The following TRAF3IP2 variants were observed in gnomAD, a reference collection of about 807,000 sequenced individuals.
TRAF3IP2 encodes TRAF3 interacting protein 2.
In TRAF3IP2, 35 loss-of-function variants were observed where a neutral mutation model predicts 57.9. The ratio of observed to expected loss-of-function variants is 0.60; its 90% CI spans 0.46 to 0.80. TRAF3IP2 has a LOEUF of 0.80. Ranked by LOEUF, TRAF3IP2 falls within the 30% of genes least tolerant of loss-of-function variation. The pLI is 0.00. For synonymous variants in TRAF3IP2, 251 were observed against 268.9 expected (o/e 0.93, Z 0.65); for missense variants, 556 against 706.4 (o/e 0.79, Z 2.41).
At chr6:111,569,970 T>A (rs1409478037) in intron 5 of TRAF3IP2, among the ~76,000 whole-genome samples, 2 of 152,148 alleles carry the variant, frequency 1.3e-5, no homozygotes, top group Non-Finnish European at 2.9e-5. Context: ...AAAATTCCTA[T>A]GTTGAAGCCC....
intron 6 of TRAF3IP2, 113 bp downstream of exon 6, chr6:111,567,511 T>C: frequency 7.5e-7 from 1 of 1,335,206 alleles, no homozygotes; most frequent in African/African-American, 1.5e-5. Flanking sequence ...TTGTTGGGGC[T>C]TTCTCAGCTT....
chr6:111,587,548 C>T (rs571784442), intron 2 of TRAF3IP2, among the ~76,000 whole-genome samples: 2 of 152,220 alleles, frequency 1.3e-5, no homozygotes, highest in East Asian at 3.9e-4. Context: ...AGCCACTGCA[C>T]CCGGCCGTTT....
chr6:111,578,190 T>A (rs1024599615), intron 3 of TRAF3IP2, among the ~76,000 whole-genome samples: 5 of 152,270 alleles, frequency 3.3e-5, no homozygotes, highest in African/African-American at 7.2e-5. Flanking sequence ...ACTATTCTCT[T>A]TCCTATTCAA....
intron 8 of TRAF3IP2, among the ~76,000 whole-genome samples, chr6:111,560,579 G>T (rs1795398081): frequency 6.6e-6 from 1 of 152,220 alleles, no homozygotes; most frequent in Admixed American, 6.5e-5. Context: ...CGCAGGGACT[G>T]CCTTGAGGAC....
In TRAF3IP2 at chr6:111,572,897, C is replaced by T; in HGVS notation, c.1288G>A (p.Ala430Thr). The T allele has an allele frequency of 2.5e-6, 4 of 1,612,552 alleles. No homozygotes were observed. Among genetic ancestry groups the T allele is most frequent in the Non-Finnish European group, 3.4e-6 (4 of 1,178,660 alleles). ...ATCTATTTGGACAAAATACTTACTG[C>T]AGTTTGGAAGCCATTTACCAACAAA... ...NFLLVNGFQT[A>T]IDIFEDRIRG... Residue 430 changes from alanine to threonine, a missense_variant and splice_region_variant, in exon 5 of 9, where the codon GCA becomes ACA. Ala to Thr is a moderately conservative substitution (Grantham distance 58). Transcript: ENST00000368761.
rs6909747 is a variant in TRAF3IP2 at position 111,601,630 on chromosome 6, C to T, written c.-9+4146G>A. On this transcript the variant is annotated intron_variant, in intron 1 of 8. Coordinates refer to ENST00000368761, the MANE Select transcript of TRAF3IP2 (RefSeq NM_147686.4). Reference sequence around the variant, plus strand: ...AATCAGGCCTTGGTGATCACAACTGCTTGGATTTTTTCTTAAGCTTTCTTT... The same window carrying T: ...AATCAGGCCTTGGTGATCACAACTGTTTGGATTTTTTCTTAAGCTTTCTTT... 7.9e-3 allele frequency: 1,245 copies of T among 156,928 alleles called. 24 individuals carry two copies. Among genetic ancestry groups the T allele is most frequent in the African/African-American group, 0.028 (1,172 of 41,682 alleles). The allele number at this position is 156,928 out of a possible 1,614,324, so 9.7% of individuals were successfully genotyped here.
chr6:111,604,486 G>A (rs1796963258), intron 1 of TRAF3IP2, among the ~76,000 whole-genome samples: 2 of 152,206 alleles, frequency 1.3e-5, no homozygotes, highest in South Asian at 4.1e-4. Flanking sequence ...GTGGACAATA[G>A]CACAGACTAT....
At chr6:111,597,386 C>T (rs958143024) in intron 1 of TRAF3IP2, among the ~76,000 whole-genome samples, 2 of 152,182 alleles carry the variant, frequency 1.3e-5, no homozygotes, top group Non-Finnish European at 2.9e-5. Flanking sequence ...CCACCTAGAA[C>T]TGAAAAGGGT....
chr6:111,567,209 T>C, intron 6 of TRAF3IP2: 1 of 1,003,586 alleles, frequency 1.0e-6, no homozygotes, highest in Non-Finnish European at 1.2e-6. Flanking sequence ...GGGCTGCACG[T>C]GGGCACCTCG....
intron 7 of TRAF3IP2, among the ~76,000 whole-genome samples, chr6:111,565,844 A>G (rs949422438): frequency 1.3e-5 from 2 of 152,332 alleles, no homozygotes; most frequent in African/African-American, 4.8e-5. Flanking sequence ...AGCATCTGAT[A>G]TGCACCAGAT....
intron 3 of TRAF3IP2, among the ~76,000 whole-genome samples, chr6:111,578,193 C>T (rs1338632539): frequency 6.6e-6 from 1 of 152,160 alleles, no homozygotes; most frequent in East Asian, 1.9e-4. Flanking sequence ...ATTCTCTTTC[C>T]TATTCAACAC....
At chr6:111,572,415 C>T (rs973072293) in intron 5 of TRAF3IP2, among the ~76,000 whole-genome samples, 9 of 152,160 alleles carry the variant, frequency 5.9e-5, no homozygotes, top group East Asian at 1.9e-4. Flanking sequence ...GGCAGCTGTG[C>T]GCAATGGGGG....
intron 1 of TRAF3IP2, among the ~76,000 whole-genome samples, chr6:111,593,650 G>A (rs539155188): frequency 3.3e-5 from 5 of 151,884 alleles, no homozygotes; most frequent in Admixed American, 6.6e-5. Flanking sequence ...TCTAACTTCC[G>A]GCTGGCCTTC....
At chr6:111,596,023 C>G (rs762161720) in intron 1 of TRAF3IP2, among the ~76,000 whole-genome samples, 1 of 152,064 alleles carries the variant, frequency 6.6e-6, no homozygotes, top group Non-Finnish European at 1.5e-5. Flanking sequence ...CACCCTTCCC[C>G]CACACAGCTG....
In TRAF3IP2 at chr6:111,565,702, G is replaced by A. The variant is rs187003936; in HGVS notation, c.1476+742C>T. Among the ~76,000 whole-genome samples, 497 of 152,198 alleles carry A rather than the reference G, an allele frequency of 3.3e-3. 3 individuals carry two copies. Among genetic ancestry groups the A allele is most frequent in the African/African-American group, 0.01 (430 of 41,506 alleles). On this transcript the variant is annotated intron_variant, in intron 7 of 8. Coordinates refer to ENST00000368761, the MANE Select transcript of TRAF3IP2 (RefSeq NM_147686.4). ...AGTTCCAACGCTGGGTGATTGTTTC[G>A]GTCAGAATGTTCTAGTTTTATCCCA...
At chr6:111,564,683 G>A (rs1046195252) in intron 7 of TRAF3IP2, among the ~76,000 whole-genome samples, 1 of 152,200 alleles carries the variant, frequency 6.6e-6, no homozygotes, top group African/African-American at 2.4e-5. Flanking sequence ...TGATGAGTAA[G>A]GGCCCAAGAC....
chr6:111,594,594 C>A, intron 1 of TRAF3IP2: 1 of 421,592 alleles, frequency 2.4e-6, no homozygotes. Flanking sequence ...AATCTGAGGT[C>A]ATCCTCTGGT....
In TRAF3IP2 at chr6:111,575,798, G is replaced by A. The variant is rs765663607; in HGVS notation, c.1046C>T (p.Pro349Leu). The stretch of plus-strand genomic sequence containing the variant: ...CTCCCCAGGAGCACCAGCTCTATTA[G>A]GTGGCTGGTGATGTGGCTGGTCCCT... ...RHQDQPHHQP[P>L]NRAGAPGESL... is the part of the protein sequence containing the mutation. The change falls in exon 4 of 9, where the codon CCT becomes CTT. Residue 349 changes from proline (P) to leucine (L), a missense_variant. Transcript: ENST00000368761. The A allele has an allele frequency of 2.5e-6, 4 of 1,609,972 alleles. No homozygotes were observed. The South Asian group carries it at 4.4e-5, about 18-fold the overall frequency.
chr6:111,595,707 A>C (rs6905520), intron 1 of TRAF3IP2, among the ~76,000 whole-genome samples: 70,903 of 151,838 alleles, frequency 0.47, 19,540 homozygotes, highest in South Asian at 0.67. Flanking sequence ...AGGCACCTGT[A>C]ATCCCAGCTA....
Sources: gnomAD v4.1 joint callset for allele counts (sites outside exome capture counted in the v4.1 genomes callset) on GRCh38, gnomAD v4.1.1 for gene constraint, MANE v1.5 for transcripts, NCBI Gene and HGNC (gene_info 2026-07-23, HGNC 2026-07-21) for gene names.